Variants in B4GALT6 observed in about 807,000 individuals in gnomAD.
The protein encoded by B4GALT6 is UDP-Gal:beta-GlcNAc beta-1,4-galactosyltransferase 6.
In B4GALT6, 14 loss-of-function variants were observed where a neutral mutation model predicts 46.3. That is an observed-to-expected ratio of 0.30 (90% CI 0.20 to 0.47). The LOEUF is 0.47. Ranked by LOEUF, B4GALT6 falls within the 20% of genes least tolerant of loss-of-function variation. The probability of loss-of-function intolerance (pLI) is 0.99; values close to 1 mark genes in which losing one functional copy is unlikely to be tolerated. For missense variants in B4GALT6, 386 were observed against 480.1 expected, an observed-to-expected ratio of 0.80 and a Z score of 1.83; for synonymous variants, 168 against 162.0, an observed-to-expected ratio of 1.04 and a Z score of -0.28.
At chr18:31,661,516 T>C (rs1324509548) in intron 2 of B4GALT6, among the ~76,000 whole-genome samples, 1 of 152,116 alleles carries the variant, frequency 6.6e-6, no homozygotes, top group Non-Finnish European at 1.5e-5. Flanking sequence ...AGTTCTTCAT[T>C]AATTAGCTAG....
At chr18:31,709,868 C>T in the B4GALT6 span, among the ~76,000 whole-genome samples, 2 of 151,458 alleles carry the variant, frequency 1.3e-5, no homozygotes, top group Non-Finnish European at 2.9e-5. Flanking sequence ...CAAGGCAGGC[C>T]GATCATCTGA....
At chr18:31,716,892 G>A in the B4GALT6 span, among the ~76,000 whole-genome samples, 1 of 152,172 alleles carries the variant, frequency 6.6e-6, no homozygotes, top group Non-Finnish European at 1.5e-5. Flanking sequence ...TTGAGGTCAG[G>A]AGTTAGAGAC....
chr18:31,684,406 C>T lies in B4GALT6; in HGVS notation c.21G>A (p.Met7Ile). 1.2e-6 allele frequency: 2 copies of T among 1,613,724 alleles called. No homozygotes were observed. The highest frequency in any genetic ancestry group is 2.2e-5 in the South Asian group (2 of 91,052). Residue 7 changes from methionine to isoleucine, a missense_variant, in exon 1 of 9, where the codon ATG (methionine) becomes ATA (isoleucine). Met to Ile is a conservative substitution (Grantham distance 10, BLOSUM62 1). Around this residue, in one of 2 missense-constraint regions of B4GALT6, gnomAD observed 63 missense variants for 41.3 expected, o/e 1.53. Coordinates refer to ENST00000306851, the MANE Select transcript of B4GALT6 (RefSeq NM_004775.5). Reference sequence around the variant, plus strand: ...GGAGAGAGCGATTGGAAACCCGCATCATCCGCCTGAGCACAGACATCTTCC... The same window carrying T: ...GGAGAGAGCGATTGGAAACCCGCATTATCCGCCTGAGCACAGACATCTTCC... MSVLRRMMRVSNRSLLA... is the reference protein window; with the variant it reads MSVLRRIMRVSNRSLLA...
chr18:31,634,898 T>G (rs1000236004), intron 5 of B4GALT6, among the ~76,000 whole-genome samples: 1 of 152,176 alleles, frequency 6.6e-6, no homozygotes, highest in Admixed American at 6.5e-5. Context: ...GCAAAGATTG[T>G]TTCATCACAT....
At chr18:31,672,880 AG>A (rs951995107) in intron 1 of B4GALT6, among the ~76,000 whole-genome samples, 100 of 152,338 alleles carry the variant, frequency 6.6e-4, no homozygotes, top group African/African-American at 2.4e-3. Flanking sequence ...AAAAGCCTAC[AG>A]GAGATCACTG....
At chr18:31,644,931 G>A (rs879689014) in intron 4 of B4GALT6, among the ~76,000 whole-genome samples, 3 of 152,268 alleles carry the variant, frequency 2.0e-5, no homozygotes, top group Admixed American at 1.3e-4. Context: ...ACTGAAAATC[G>A]GGATATTAAT....
chr18:31,633,455 C>G (rs975385772), intron 5 of B4GALT6, among the ~76,000 whole-genome samples: 1 of 152,196 alleles, frequency 6.6e-6, no homozygotes, highest in African/African-American at 2.4e-5. Context: ...AAAAGTGGTA[C>G]AAGCTGGCAT....
chr18:31,674,659 G>T (rs996437793), intron 1 of B4GALT6, among the ~76,000 whole-genome samples: 3 of 151,984 alleles, frequency 2.0e-5, no homozygotes, highest in Non-Finnish European at 2.9e-5. Flanking sequence ...CTAGCCTCTT[G>T]TTCAATAAAT....
rs1477706247 is a variant in B4GALT6, at chr18:31,642,926, T to C, written c.471+2429A>G. ...ATTACTAGTTTTGAAAGATCTCAGTTCTAATTAATTTGCCATCAACTAACT... is the reference window on the plus strand; with the variant it reads ...ATTACTAGTTTTGAAAGATCTCAGTCCTAATTAATTTGCCATCAACTAACT... On this transcript the variant is annotated intron_variant, in intron 4 of 8. Coordinates refer to ENST00000306851, the MANE Select transcript of B4GALT6 (RefSeq NM_004775.5). 7.2e-5 allele frequency among the ~76,000 whole-genome samples: 11 copies of C among 152,314 alleles called. No individual in the cohort carries two copies. The South Asian group carries it at 2.1e-3, about 29-fold the overall frequency.
the B4GALT6 span, among the ~76,000 whole-genome samples, chr18:31,720,010 C>T: frequency 0.64 from 97,559 of 152,144 alleles, 31,731 homozygotes; most frequent in South Asian, 0.7. Context: ...GCTAATTTGT[C>T]AGTCCTGCAA....
In B4GALT6 at chr18:31,624,860, C is replaced by T. The variant is rs969566126; in HGVS notation, c.*754G>A. 6.6e-6 allele frequency: 1 copy of T among 152,554 alleles called. No individual in the cohort carries two copies. The highest frequency in any genetic ancestry group is 6.5e-5 in the Admixed American group (1 of 15,282). 9.5% of individuals were successfully genotyped at this position (152,554 alleles called of 1,614,324 possible). On this transcript the variant is annotated 3_prime_UTR_variant, in exon 9 of 9. Coordinates refer to ENST00000306851, the MANE Select transcript of B4GALT6 (RefSeq NM_004775.5). ...TCACATCACAACTTTTAAGATTTTT[C>T]TTGGTAATACTCATGCAATATGCAT...
intron 1 of B4GALT6, among the ~76,000 whole-genome samples, chr18:31,680,748 G>A (rs995729291): frequency 4.6e-5 from 7 of 152,160 alleles, no homozygotes; most frequent in Admixed American, 2.0e-4. Context: ...TATGAACAAA[G>A]ACCAGTCTCT....
intron 5 of B4GALT6, among the ~76,000 whole-genome samples, chr18:31,632,665 A>G (rs1174042134): frequency 6.6e-6 from 1 of 152,206 alleles, no homozygotes; most frequent in Non-Finnish European, 1.5e-5. Flanking sequence ...TAGTTTTATC[A>G]TAATTTTTGG....
At chr18:31,723,639 G>T in the B4GALT6 span, among the ~76,000 whole-genome samples, 3 of 152,050 alleles carry the variant, frequency 2.0e-5, no homozygotes, top group Non-Finnish European at 4.4e-5. Context: ...TGGAGTCCTC[G>T]TTTATTCCCC....
Position 31,652,972 on chromosome 18 carries a change from G to A in B4GALT6, c.346+5004C>T, listed in dbSNP as rs560316287. 6.6e-5 allele frequency among the ~76,000 whole-genome samples: 10 copies of A among 151,156 alleles called. No individual in the cohort carries two copies. The East Asian group carries it at 1.2e-3, about 18-fold the overall frequency. On this transcript the variant is annotated intron_variant, in intron 3 of 8. Coordinates refer to ENST00000306851, the MANE Select transcript of B4GALT6 (RefSeq NM_004775.5). Reference sequence around the variant, plus strand: ...CATCATTCACCTGCCTAAAGCCTTCGATGGTTCTCCATTTCCCTAAAGCAG... The same window carrying A: ...CATCATTCACCTGCCTAAAGCCTTCAATGGTTCTCCATTTCCCTAAAGCAG...
At chr18:31,675,171 C>T (rs2074401797) in intron 1 of B4GALT6, among the ~76,000 whole-genome samples, 1 of 152,222 alleles carries the variant, frequency 6.6e-6, no homozygotes, top group African/African-American at 2.4e-5. Context: ...AATTTCCACT[C>T]TGCAGTTTAA....
chr18:31,685,018 G>GCGCGGGGGCC (rs991310106), upstream of B4GALT6, among the ~76,000 whole-genome samples: 3 of 146,312 alleles, frequency 2.1e-5, no homozygotes, highest in Non-Finnish European at 4.6e-5. Context: ...CGCGCGCCAC[G>GCGCGGGGGCC]CGCGGGGGCC....
chr18:31,661,790 A>T (rs899195830), intron 2 of B4GALT6, among the ~76,000 whole-genome samples: 5 of 152,260 alleles, frequency 3.3e-5, no homozygotes, highest in African/African-American at 4.8e-5. Flanking sequence ...CCTGGGGGTC[A>T]TCTGCCTTGA....
At chr18:31,651,992 G>A (rs12456085) in intron 3 of B4GALT6, among the ~76,000 whole-genome samples, 1 of 151,848 alleles carries the variant, frequency 6.6e-6, no homozygotes, top group East Asian at 2.0e-4. Context: ...GGATGGTCTC[G>A]ATCTCCTGAC....
Sources: allele counts gnomAD v4.1 joint callset (sites outside exome capture counted in the v4.1 genomes callset), GRCh38; gene constraint gnomAD v4.1.1; regional missense constraint gnomAD v4.1.1; transcripts MANE v1.5; gene names NCBI Gene and HGNC (gene_info 2026-07-23, HGNC 2026-07-21).